The following RIMS1 variants were observed in gnomAD, a reference collection of about 807,000 sequenced individuals.
The protein encoded by RIMS1 is regulating synaptic membrane exocytosis 1.
Under a neutral mutation model 214.1 loss-of-function variants are expected in RIMS1, and 83 were observed. That is an observed-to-expected ratio of 0.39 (90% CI 0.32 to 0.47). The LOEUF (loss-of-function observed/expected upper bound fraction) is 0.47. Ranked by LOEUF, RIMS1 falls within the 20% of genes least tolerant of loss-of-function variation. RIMS1 has a pLI of 0.99. For synonymous variants in RIMS1, 793 were observed against 786.8 expected (o/e 1.01, Z -0.13); for missense variants, 2,050 against 2,161.8 (o/e 0.95, Z 1.03).
At chr6:71,915,907 G>T (rs1778256497) in intron 1 of RIMS1, among the ~76,000 whole-genome samples, 1 of 152,066 alleles carries the variant, frequency 6.6e-6, no homozygotes, top group Admixed American at 6.6e-5. Flanking sequence ...TCAAGAGAGT[G>T]TGTGCAGGGG....
intron 28 of RIMS1, among the ~76,000 whole-genome samples, chr6:72,331,976 C>T (rs1241062138): frequency 6.6e-6 from 1 of 151,746 alleles, no homozygotes; most frequent in Non-Finnish European, 1.5e-5. Flanking sequence ...CCAGTCTTAC[C>T]TCTTTTCCGT....
Position 72,400,766 on chromosome 6 carries a change from T to TC in RIMS1, c.*53dup. ...AAAACTCTACTTTTCAGGATAATAA[T>TC]CTGAACCAGATATTTCATGATCGAA... On this transcript the variant is annotated 3_prime_UTR_variant, in exon 34 of 34. Transcript: ENST00000521978. 5 of 1,346,686 alleles carry TC rather than the reference T, an allele frequency of 3.7e-6. No homozygotes were observed. Among genetic ancestry groups the TC allele is most frequent in the Non-Finnish European group, 5.2e-6 (5 of 954,142 alleles). The allele number at this position is 1,346,686 out of a possible 1,614,324, so 83.4% of individuals were successfully genotyped here.
In RIMS1 at chr6:71,887,098, G is replaced by T. The variant is rs1479209891; in HGVS notation, c.75G>T (p.Leu25=). 6.2e-7 allele frequency: 1 copy of T among 1,613,668 alleles called. No individual in the cohort carries two copies. Among genetic ancestry groups the T allele is most frequent in the South Asian group, 1.1e-5 (1 of 90,962 alleles). ...CCCCCATGCAAGAGCTGCCCGACCT[G>T]AGCCACCTGACCGAAGAGGAGAGGA... The part of the protein sequence containing the change: ...VPPPMQELPD[L]SHLTEEERNI... The change falls in exon 1 of 34, where the codon CTG becomes CTT. Residue 25 remains leucine (L), a synonymous_variant. Coordinates refer to ENST00000521978, the MANE Select transcript of RIMS1 (RefSeq NM_014989.7).
intron 2 of RIMS1, among the ~76,000 whole-genome samples, chr6:72,044,813 AT>A (rs1822487023): frequency 6.6e-6 from 1 of 151,924 alleles, no homozygotes; most frequent in South Asian, 2.1e-4. Flanking sequence ...CTTAAGTTAA[AT>A]ATATGTTTAA....
chr6:72,083,691 TA>T (rs763051033), intron 2 of RIMS1, among the ~76,000 whole-genome samples: 4 of 152,178 alleles, frequency 2.6e-5, no homozygotes, highest in Non-Finnish European at 4.4e-5. Flanking sequence ...AGCTAATATT[TA>T]TTGAGCTTTT....
intron 4 of RIMS1, among the ~76,000 whole-genome samples, chr6:72,173,866 C>T (rs1403547725): frequency 6.6e-6 from 1 of 151,968 alleles, no homozygotes; most frequent in African/African-American, 2.4e-5. Context: ...ACTGGAGAAT[C>T]AGCCATTAGG....
At chr6:72,250,892 T>G (rs2073019261) in intron 13 of RIMS1, 29 bp from the exon 14 acceptor site, 1 of 1,365,872 alleles carries the variant, frequency 7.3e-7, no homozygotes, top group Admixed American at 2.7e-5. Context: ...TACTTGCTTT[T>G]TCATTTACAA....
intron 1 of RIMS1, among the ~76,000 whole-genome samples, chr6:71,959,717 G>A (rs1336600320): frequency 2.0e-5 from 3 of 151,842 alleles, no homozygotes; most frequent in Non-Finnish European, 2.9e-5. Context: ...CTTACAACTC[G>A]AAATATTCTA....
chr6:71,968,975 C>A lies in RIMS1; in HGVS notation c.165-8C>A, dbSNP rs569516900. The A allele has an allele frequency of 6.2e-7, 1 of 1,613,196 alleles. No homozygotes were observed. The highest frequency in any genetic ancestry group is 8.5e-7 in the Non-Finnish European group (1 of 1,179,160). ...ATAGTGCGTTGTGCTGTCTATCATG[C>A]GCCCCAGGTGTGTTGTCAGGGACAT... On this transcript the variant is annotated splice_region_variant and splice_polypyrimidine_tract_variant and intron_variant, in intron 1 of 33. Transcript: ENST00000521978.
At chr6:72,289,245 T>C (rs2092932108) in intron 24 of RIMS1, among the ~76,000 whole-genome samples, 1 of 152,134 alleles carries the variant, frequency 6.6e-6, no homozygotes, top group Admixed American at 6.5e-5. Context: ...TTAGAAAGAG[T>C]ATCTTGAACA....
At chr6:72,213,176 T>G in intron 6 of RIMS1, 1 of 1,536,928 alleles carries the variant, frequency 6.5e-7, no homozygotes, top group Non-Finnish European at 8.7e-7. Context: ...AAGTGAGGTC[T>G]GTTGATTCCG....
chr6:72,340,025 C>G (rs2096997201), intron 29 of RIMS1, among the ~76,000 whole-genome samples: 1 of 152,116 alleles, frequency 6.6e-6, no homozygotes, highest in Non-Finnish European at 1.5e-5. Context: ...TTGCATTTCT[C>G]TGATGGCCAG....
At position 72,252,863 on chromosome 6, in the gene RIMS1, A is replaced by G. The variant is rs1157477575; in HGVS notation, c.2770+31A>G. 2.0e-6 allele frequency: 3 copies of G among 1,512,672 alleles called. No homozygotes were observed. In the Admixed American group the frequency reaches 5.9e-5, roughly 30 times the overall value. The allele number at this position is 1,512,672 out of a possible 1,614,324, so 93.7% of individuals were successfully genotyped here. A position where few individuals can be genotyped will look rare whatever the true frequency, so the allele number is the denominator to read the frequency against. ...TGGGTGAGGAGCATGACCCTGCTTCACTGTGCTGCTTTGCTTGTTTTCTCT... is the reference window on the plus strand; with the variant it reads ...TGGGTGAGGAGCATGACCCTGCTTCGCTGTGCTGCTTTGCTTGTTTTCTCT... On this transcript the variant is annotated intron_variant, in intron 16 of 33. Coordinates refer to ENST00000521978, the MANE Select transcript of RIMS1 (RefSeq NM_014989.7).
At chr6:72,119,435 A>C (rs941857763) in intron 4 of RIMS1, among the ~76,000 whole-genome samples, 1 of 151,878 alleles carries the variant, frequency 6.6e-6, no homozygotes, top group Admixed American at 6.6e-5. Context: ...CATTCTTCAC[A>C]GAATTAGAAA....
chr6:72,361,194 G>A (rs1157276623), intron 29 of RIMS1, among the ~76,000 whole-genome samples: 9 of 129,100 alleles, frequency 7.0e-5, no homozygotes, highest in Non-Finnish European at 1.1e-4. Flanking sequence ...TGCAACCACC[G>A]TCTCCGGTTC....
intron 1 of RIMS1, among the ~76,000 whole-genome samples, chr6:71,953,019 C>T (rs924629374): frequency 6.6e-6 from 1 of 150,560 alleles, no homozygotes; most frequent in South Asian, 2.1e-4. Flanking sequence ...CAGAGTCTCA[C>T]TTTGTCACCC....
At chr6:72,346,713 TA>T (rs895616438) in intron 29 of RIMS1, among the ~76,000 whole-genome samples, 1 of 151,780 alleles carries the variant, frequency 6.6e-6, no homozygotes, top group African/African-American at 2.4e-5. Context: ...TTAAATGGTT[TA>T]AAAAAATAAA....
chr6:72,121,556 T>A (rs543737728), intron 4 of RIMS1, among the ~76,000 whole-genome samples: 2 of 152,002 alleles, frequency 1.3e-5, no homozygotes, highest in East Asian at 3.9e-4. Context: ...TTAGGGGCTG[T>A]GACAATGGGG....
intron 1 of RIMS1, among the ~76,000 whole-genome samples, chr6:71,893,508 T>C (rs1183655843): frequency 6.6e-6 from 1 of 152,184 alleles, no homozygotes; most frequent in East Asian, 1.9e-4. Context: ...AATTTTAGTG[T>C]CACTGGGTTT....
Sources: allele counts gnomAD v4.1 joint callset (sites outside exome capture counted in the v4.1 genomes callset), GRCh38; gene constraint gnomAD v4.1.1; transcripts MANE v1.5; gene names NCBI Gene and HGNC (gene_info 2026-07-23, HGNC 2026-07-21).